Variants in RP1 observed in about 807,000 individuals in gnomAD.
RP1 encodes the protein oxygen-regulated protein 1.
In RP1, 16 loss-of-function variants were observed where a neutral mutation model predicts 14.8. That is an observed-to-expected ratio of 1.08 (90% CI 0.73 to 1.65). RP1 has a LOEUF of 1.65. RP1 is among the 40% of genes most tolerant of loss of function. The pLI is 0.00. For synonymous variants in RP1, 876 were observed against 883.6 expected, an observed-to-expected ratio of 0.99 and a Z score of 0.15; for missense variants, 2,631 against 2,535.0, an observed-to-expected ratio of 1.04 and a Z score of -0.81.
chr8:54,763,706 A>T (rs1809697537), intron 22 of RP1, among the ~76,000 whole-genome samples: 1 of 152,086 alleles, frequency 6.6e-6, no homozygotes, highest in African/African-American at 2.4e-5. Flanking sequence ...AAACAAAACG[A>T]ATCTAACTTG....
chr8:54,614,925 T>C (rs150232779), upstream of RP1, among the ~76,000 whole-genome samples: 276 of 152,262 alleles, frequency 1.8e-3, no homozygotes, highest in African/African-American at 6.1e-3. Flanking sequence ...AAAGATAAAG[T>C]CAAGAGAAAT....
At chr8:54,678,386 T>C (rs1383602135) in intron 8 of RP1, 7 of 1,272,856 alleles carry the variant, frequency 5.5e-6, no homozygotes, top group Non-Finnish European at 6.5e-6. Context: ...AAGTTAGAAC[T>C]TGTTTCTCAA....
exon 24 of RP1, chr8:54,783,601 C>T (rs369514593): frequency 5.0e-5 from 62 of 1,231,606 alleles, no homozygotes; most frequent in Middle Eastern, 6.2e-4. Context: ...GCCGGCACCA[C>T]GGCAACAGTG....
At chr8:54,749,998 C>A (rs1809318948) in intron 19 of RP1, among the ~76,000 whole-genome samples, 1 of 151,948 alleles carries the variant, frequency 6.6e-6, no homozygotes, top group African/African-American at 2.4e-5. Flanking sequence ...GTAGGAGAGC[C>A]AAAGGAGACT....
intron 26 of RP1, among the ~76,000 whole-genome samples, chr8:54,854,547 G>A (rs964205969): frequency 6.6e-6 from 1 of 152,162 alleles, no homozygotes; most frequent in African/African-American, 2.4e-5. Context: ...TCATAATCTA[G>A]GGGGTTGATT....
intron 24 of RP1, among the ~76,000 whole-genome samples, chr8:54,788,785 T>C (rs1002253184): frequency 6.6e-6 from 1 of 152,178 alleles, no homozygotes; most frequent in Non-Finnish European, 1.5e-5. Flanking sequence ...ATCAGCAAGA[T>C]AATAGAATAG....
chr8:54,696,454 G>C (rs1022988323), intron 12 of RP1: 77 of 846,306 alleles, frequency 9.1e-5, no homozygotes, highest in Non-Finnish European at 1.1e-4. Context: ...TCCTGAAAAA[G>C]AGGAAAGCTT....
chr8:54,760,858 G>A (rs1272680062), intron 22 of RP1, among the ~76,000 whole-genome samples: 2 of 151,958 alleles, frequency 1.3e-5, no homozygotes, highest in Non-Finnish European at 1.5e-5. Flanking sequence ...GACTTAATTG[G>A]CCAAACTACA....
At chr8:54,761,233 C>CTTTTTT (rs71554177) in intron 22 of RP1, among the ~76,000 whole-genome samples, 9 of 109,158 alleles carry the variant, frequency 8.2e-5, no homozygotes, top group Admixed American at 2.2e-4. Flanking sequence ...CGCTACCTTA[C>CTTTTTT]TTTTTTTTTT....
chr8:54,753,965 T>A (rs566629029), intron 19 of RP1, among the ~76,000 whole-genome samples: 4 of 152,270 alleles, frequency 2.6e-5, no homozygotes, highest in Admixed American at 2.6e-4. Flanking sequence ...TTAGCTGGAA[T>A]CTTAAAAGGA....
At chr8:54,694,904 G>A (rs1221671190) in intron 12 of RP1, among the ~76,000 whole-genome samples, 3 of 151,834 alleles carry the variant, frequency 2.0e-5, no homozygotes, top group Non-Finnish European at 4.4e-5. Context: ...TCTTTTAATT[G>A]TGATGTTAGG....
intron 12 of RP1, among the ~76,000 whole-genome samples, chr8:54,684,539 C>T (rs1035164252): frequency 4.6e-5 from 7 of 151,864 alleles, no homozygotes; most frequent in Non-Finnish European, 5.9e-5. Flanking sequence ...TTCAGTCTTG[C>T]GGGGGTGTGT....
At chr8:54,650,939 G>A (rs1190430394) in intron 4 of RP1, among the ~76,000 whole-genome samples, 1 of 151,594 alleles carries the variant, frequency 6.6e-6, no homozygotes, top group Non-Finnish European at 1.5e-5. Context: ...ATCATGTTCA[G>A]GAAGTTCTTT....
chr8:54,770,252 A>G (rs1426450943), downstream of RP1: 2 of 398,568 alleles, frequency 5.0e-6, no homozygotes, highest in African/African-American at 2.1e-5. Context: ...CACATTTTTT[A>G]TAGTACATTC....
chr8:54,704,732 T>C (rs539572054), intron 14 of RP1, among the ~76,000 whole-genome samples: 1 of 152,202 alleles, frequency 6.6e-6, no homozygotes, highest in Non-Finnish European at 1.5e-5. Context: ...TTTCTCACAT[T>C]ACTATTTCTC....
chr8:54,583,643 A>G (rs1171230611), intron 1 of RP1, among the ~76,000 whole-genome samples: 2 of 151,936 alleles, frequency 1.3e-5, no homozygotes, highest in African/African-American at 2.4e-5. Flanking sequence ...ACTTTTTTTC[A>G]TTGATAAGCT....
chr8:54,800,977 T>C (rs1366931251), intron 24 of RP1, among the ~76,000 whole-genome samples: 1 of 152,216 alleles, frequency 6.6e-6, no homozygotes, highest in East Asian at 1.9e-4. Flanking sequence ...AAATAAATAC[T>C]GTTGATAATT....
At chr8:54,615,499 C>A (rs1805693748), upstream of RP1, among the ~76,000 whole-genome samples, 1 of 152,172 alleles carries the variant, frequency 6.6e-6, no homozygotes. Context: ...AGTCCTGAAA[C>A]ATGTTCAAAC....
chr8:54,559,419 G>A (rs1037743071), intron 1 of RP1: 3 of 152,172 alleles, frequency 2.0e-5, no homozygotes, highest in Non-Finnish European at 4.4e-5. Flanking sequence ...GGGAGGAGAT[G>A]TTTAACTTTT....
Sources: allele counts gnomAD v4.1 joint callset (sites outside exome capture counted in the v4.1 genomes callset), GRCh38; gene constraint gnomAD v4.1.1; transcripts MANE v1.5; gene names NCBI Gene and HGNC (gene_info 2026-07-23, HGNC 2026-07-21).